The following NCKAP5L variants were observed in gnomAD, a reference collection of about 807,000 sequenced individuals.
The protein encoded by NCKAP5L is NCK associated protein 5 like.
In NCKAP5L, 54 loss-of-function variants were observed where a neutral mutation model predicts 103.2. The observed-to-expected ratio is 0.52, with a 90% CI of 0.42 to 0.66. The LOEUF (loss-of-function observed/expected upper bound fraction) is 0.66, where lower values mean the gene tolerates loss of function less well. Among genes scored for constraint, NCKAP5L ranks in the 30% least tolerant of loss-of-function variants. NCKAP5L has a pLI of 0.00. For missense variants in NCKAP5L, 1,733 were observed against 1,750.6 expected (o/e 0.99, Z 0.18); for synonymous variants, 762 against 748.6 (o/e 1.02, Z -0.29).
intron 1 of NCKAP5L, among the ~76,000 whole-genome samples, chr12:49,808,924 C>T (rs1403696738): frequency 6.6e-6 from 1 of 152,260 alleles, no homozygotes; most frequent in South Asian, 2.1e-4. Context: ...AGGCTTCTCC[C>T]GCCGGAATTG....
rs531528965 is a variant in NCKAP5L at position 49,801,264 on chromosome 12, T to G, written c.351+584A>C. Among the ~76,000 whole-genome samples the G allele has an allele frequency of 1.7e-3, 254 of 152,326 alleles. 1 individual carries two copies. The highest frequency in any genetic ancestry group is 3.2e-3 in the Non-Finnish European group (218 of 68,018). On this transcript the variant is annotated intron_variant, in intron 6 of 12. Coordinates refer to ENST00000335999, the MANE Select transcript of NCKAP5L (RefSeq NM_001037806.4). Reference sequence around the variant, plus strand: ...CAACCTGCTGCTCACCTCAGGCATCTGGAGCTGCTCCTGATCCTCCCACCC... The same window carrying G: ...CAACCTGCTGCTCACCTCAGGCATCGGGAGCTGCTCCTGATCCTCCCACCC...
intron 1 of NCKAP5L, among the ~76,000 whole-genome samples, chr12:49,816,525 C>T (rs1289227922): frequency 7.5e-6 from 1 of 132,900 alleles, no homozygotes; most frequent in Admixed American, 7.3e-5. Context: ...AAAGGCTGGA[C>T]GCGGTGGCTC....
intron 1 of NCKAP5L, among the ~76,000 whole-genome samples, chr12:49,810,116 T>C (rs940512450): frequency 3.7e-5 from 5 of 136,870 alleles, no homozygotes. Flanking sequence ...CTCCCCTCCC[T>C]CAGAGCCCTC....
chr12:49,810,953 G>T (rs1946233341), intron 1 of NCKAP5L, among the ~76,000 whole-genome samples: 1 of 152,020 alleles, frequency 6.6e-6, no homozygotes, highest in Admixed American at 6.6e-5. Context: ...CTGTCCAGTA[G>T]AACTTTCTGT....
rs554923028 is a variant in NCKAP5L at position 49,801,867 on chromosome 12, G to A, written c.332C>T (p.Thr111Met). The A allele has an allele frequency of 5.8e-5, 94 of 1,613,982 alleles. No individual in the cohort carries two copies. Among genetic ancestry groups the A allele is most frequent in the Non-Finnish European group, 6.9e-5 (81 of 1,179,872 alleles). Reference protein sequence around the residue: ...SALFQQKLQLTTGSLPQIPLT... With the variant: ...SALFQQKLQLMTGSLPQIPLT... Reference sequence around the variant, plus strand: ...GCCTACCTGAGGGAGCGAGCCTGTCGTGAGCTGGAGTTTCTGCTGAAACAG... The same window carrying A: ...GCCTACCTGAGGGAGCGAGCCTGTCATGAGCTGGAGTTTCTGCTGAAACAG... Residue 111 changes from threonine (T) to methionine (M), a missense_variant, in exon 6 of 13, where the codon ACG (threonine) becomes ATG (methionine). Thr to Met is a moderately conservative substitution (Grantham distance 81). Coordinates refer to ENST00000335999, the MANE Select transcript of NCKAP5L (RefSeq NM_001037806.4).
At chr12:49,806,594 G>T (rs896365615) in intron 1 of NCKAP5L, among the ~76,000 whole-genome samples, 1 of 152,214 alleles carries the variant, frequency 6.6e-6, no homozygotes, top group African/African-American at 2.4e-5. Flanking sequence ...ACCCGCCTGC[G>T]GGAGGAGGCA....
intron 1 of NCKAP5L, among the ~76,000 whole-genome samples, chr12:49,820,669 C>A (rs1319256095): frequency 6.6e-6 from 1 of 152,170 alleles, no homozygotes; most frequent in East Asian, 1.9e-4. Flanking sequence ...AGCCAATATG[C>A]CTTCTGCACT....
intron 3 of NCKAP5L, 74 bp from the exon 4 acceptor site, chr12:49,803,239 T>G: frequency 1.3e-6 from 2 of 1,507,338 alleles, no homozygotes; most frequent in Non-Finnish European, 9.2e-7. Flanking sequence ...ACATTCCTTT[T>G]GGGAAAGGGG....
At position 49,796,657 on chromosome 12, in the gene NCKAP5L, C is replaced by T; in HGVS notation, c.1203G>A (p.Gly401=). 2 of 1,581,618 alleles carry T rather than the reference C, an allele frequency of 1.3e-6. No homozygotes were observed. The highest frequency in any genetic ancestry group is 1.7e-6 in the Non-Finnish European group (2 of 1,165,402). ...PGFGATSEGQ[G]PLPFLSMFMG... ...TGAACATGCTAAGGAAGGGGAGGGG[C>T]CCCTGGCCCTCTGAGGTAGCACCGA... The change falls in exon 8 of 13, where the codon GGG becomes GGA. Residue 401 remains glycine (G), a synonymous_variant. Coordinates refer to ENST00000335999, the MANE Select transcript of NCKAP5L (RefSeq NM_001037806.4).
chr12:49,826,018 T>C (rs910161747), intron 1 of NCKAP5L, among the ~76,000 whole-genome samples: 2 of 152,028 alleles, frequency 1.3e-5, no homozygotes, highest in African/African-American at 2.4e-5. Flanking sequence ...GGGCAGCTTC[T>C]CCTCACTGCT....
In NCKAP5L at chr12:49,793,749, T is replaced by C. The variant is rs1945979555; in HGVS notation, c.3243A>G (p.Gly1081=). The C allele has an allele frequency of 6.4e-7, 1 of 1,562,670 alleles. No individual in the cohort carries two copies. The highest frequency in any genetic ancestry group is 2.3e-5 in the East Asian group (1 of 44,056). Reference sequence around the variant, plus strand: ...AAGAACTTACCTTTCCAGGAGGTTTTCCGCAGCCCTGAAGAGGGCCCACCA... The same window carrying C: ...AAGAACTTACCTTTCCAGGAGGTTTCCCGCAGCCCTGAAGAGGGCCCACCA... The part of the protein sequence containing the change: ...NGLVGPLQGC[G]KPPGKPSSEP... Residue 1081 remains glycine (G), a synonymous_variant, in exon 9 of 13, where the codon GGA becomes GGG. Transcript: ENST00000335999.
At chr12:49,805,578 A>G (rs969175799) in intron 2 of NCKAP5L, 1 of 152,216 alleles carries the variant, frequency 6.6e-6, no homozygotes, top group Admixed American at 6.5e-5. Flanking sequence ...AAGCCCCCAC[A>G]AAAGAAAAAT....
intron 2 of NCKAP5L, chr12:49,804,384 T>C (rs766990754): frequency 5.4e-6 from 1 of 184,250 alleles, no homozygotes; most frequent in Non-Finnish European, 1.1e-5. Context: ...ATTTGTAAAA[T>C]AACACCAATA....
rs758333065 is a variant in NCKAP5L, at chr12:49,801,958, C to G, written c.241G>C (p.Glu81Gln). 8.1e-6 allele frequency: 13 copies of G among 1,613,692 alleles called. No individual in the cohort carries two copies. Among genetic ancestry groups the G allele is most frequent in the African/African-American group, 1.3e-5 (1 of 74,926 alleles). The part of the protein sequence containing the change: ...QALLNQKDLR[E>Q]ECIKLKKRVF... ...CTCTTCTTCAGCTTGATGCACTCCT[C>G]TCGCAGGTCCTGCCGCCCACCCCGG... Residue 81 changes from glutamate to glutamine, a missense_variant, in exon 6 of 13, where the codon GAG becomes CAG. Physicochemically the swap from Glu to Gln is conservative, Grantham distance 29. Coordinates refer to ENST00000335999, the MANE Select transcript of NCKAP5L (RefSeq NM_001037806.4).
At chr12:49,827,492 G>A (rs996282615) in intron 1 of NCKAP5L, among the ~76,000 whole-genome samples, 1 of 152,228 alleles carries the variant, frequency 6.6e-6, no homozygotes, top group African/African-American at 2.4e-5. Context: ...GAGATAACGC[G>A]GGACCTTGGG....
Position 49,801,883 on chromosome 12 carries a change from G to T in NCKAP5L, c.316C>A (p.Gln106Lys). 1 of 1,614,008 alleles carries T rather than the reference G, an allele frequency of 6.2e-7. No homozygotes were observed. The highest frequency in any genetic ancestry group is 8.5e-7 in the Non-Finnish European group (1 of 1,179,884). The change falls in exon 6 of 13, where the codon CAG becomes AAG. Residue 106 changes from glutamine to lysine, a missense_variant. Gln to Lys is a moderately conservative substitution (Grantham distance 53). Transcript: ENST00000335999. ...QNQMLSALFQ[Q>K]KLQLTTGSLP... ...GAGCCTGTCGTGAGCTGGAGTTTCT[G>T]CTGAAACAGGGCACTCAGCATCTGG... is the stretch of plus-strand genomic sequence containing the variant.
chr12:49,818,605 C>T (rs1191444235), intron 1 of NCKAP5L, among the ~76,000 whole-genome samples: 1 of 152,142 alleles, frequency 6.6e-6, no homozygotes, highest in Non-Finnish European at 1.5e-5. Flanking sequence ...AAGCAATCTG[C>T]CTGCCTCTCC....
intron 1 of NCKAP5L, among the ~76,000 whole-genome samples, chr12:49,828,090 G>T (rs995786968): frequency 5.3e-5 from 8 of 151,984 alleles, no homozygotes; most frequent in African/African-American, 1.7e-4. Context: ...GGGGGCGGGA[G>T]GGGGTGGGGT....
rs772246918 is a variant in NCKAP5L at position 49,796,917 on chromosome 12, C to T, written c.943G>A (p.Asp315Asn). 5.3e-5 allele frequency: 85 copies of T among 1,608,326 alleles called. 3 individuals carry two copies. In the East Asian group the frequency reaches 1.6e-3, roughly 30 times the overall value. ...CGGGCCAGGGCACCGAGCAGGGTGTCGGGGCTGGGTGCCTCATTGGGGTCA... is the reference window on the plus strand; with the variant it reads ...CGGGCCAGGGCACCGAGCAGGGTGTTGGGGCTGGGTGCCTCATTGGGGTCA... ...AGDPNEAPSP[D>N]TLLGALARRQ... is the part of the protein sequence containing the mutation. Residue 315 changes from aspartate to asparagine, a missense_variant, in exon 8 of 13, where the codon GAC (aspartate) becomes AAC (asparagine). By Grantham distance (23) the Asp-to-Asn change is conservative. Transcript: ENST00000335999.
Sources: allele counts gnomAD v4.1 joint callset (sites outside exome capture counted in the v4.1 genomes callset), GRCh38; gene constraint gnomAD v4.1.1; transcripts MANE v1.5; gene names NCBI Gene and HGNC (gene_info 2026-07-23, HGNC 2026-07-21).